Variants in CCDC22 observed in about 807,000 individuals in gnomAD.
CCDC22 encodes CCC complex scaffolding subunit CCDC22.
Under a neutral mutation model 53.1 loss-of-function variants are expected in CCDC22, and 4 were observed. That is an observed-to-expected ratio of 0.08 (90% confidence interval 0.04 to 0.17). CCDC22 has a LOEUF of 0.17. Ranked by LOEUF, CCDC22 falls within the 10% of genes least tolerant of loss-of-function variation. The pLI is 1.00. For synonymous variants in CCDC22, 222 were observed against 224.4 expected, an observed-to-expected ratio of 0.99 and a Z score of 0.10; for missense variants, 458 against 554.0, an observed-to-expected ratio of 0.83 and a Z score of 1.74.
At chrX:49,240,577 A>G (rs868980757) in intron 2 of CCDC22, among the ~76,000 whole-genome samples, 1 of 111,855 alleles carries the variant, frequency 8.9e-6, no homozygotes, top group African/African-American at 3.3e-5. Context: ...AAACAGGTAC[A>G]TATGGTTGTC....
At chrX:49,241,120 A>C (rs933670206) in intron 2 of CCDC22, among the ~76,000 whole-genome samples, 13 of 112,049 alleles carry the variant, frequency 1.2e-4, no homozygotes, top group African/African-American at 4.2e-4. Flanking sequence ...TAAGAGGCAA[A>C]GCTTGGGTTT....
At chrX:49,239,438 C>T (rs1268759291) in intron 2 of CCDC22, 6 of 746,188 alleles carry the variant, frequency 8.0e-6, no homozygotes, top group Admixed American at 8.8e-5. Flanking sequence ...TGGATAGGTC[C>T]GATCTGGAAC....
chrX:49,242,475 G>A (rs183685823), intron 3 of CCDC22: 16 of 206,310 alleles, frequency 7.8e-5, no homozygotes, highest in African/African-American at 3.7e-4. Flanking sequence ...GTACACTCCC[G>A]CCTCTGCACC....
chrX:49,247,523 T>C lies in CCDC22; in HGVS notation c.937T>C (p.Ser313Pro). 1 of 1,199,549 alleles carries C rather than the reference T, an allele frequency of 8.3e-7. No homozygotes were observed. The highest frequency in any genetic ancestry group is 1.1e-6 in the Non-Finnish European group (1 of 889,810). Residue 313 changes from serine (S) to proline (P), a missense_variant, in exon 8 of 17, where the codon TCA (serine) becomes CCA (proline). Physicochemically the swap from Ser to Pro is moderately conservative, Grantham distance 74. This residue lies in a region of CCDC22 where 309 missense variants were observed against 312.3 expected (regional missense o/e 0.99). Coordinates refer to ENST00000376227, the MANE Select transcript of CCDC22 (RefSeq NM_014008.5). ...LEPQAQATQV[S>P]DVPATSRRPE... ...GCCCCAGGCCCAGGCCACTCAGGTGTCAGATGTGCCAGCCACCTCCCGGCG... is the reference window on the plus strand; with the variant it reads ...GCCCCAGGCCCAGGCCACTCAGGTGCCAGATGTGCCAGCCACCTCCCGGCG...
At chrX:49,249,063 C>A in intron 13 of CCDC22, 104 bp from the exon 14 acceptor site, 1 of 1,116,369 alleles carries the variant, frequency 9.0e-7, no homozygotes, top group Non-Finnish European at 1.2e-6. Flanking sequence ...ATCCCAGTCA[C>A]CCCTGACACA....
chrX:49,238,926 C>T (rs1391635643), intron 2 of CCDC22, among the ~76,000 whole-genome samples: 1 of 111,788 alleles, frequency 8.9e-6, no homozygotes, highest in Non-Finnish European at 1.9e-5. Flanking sequence ...GTCCAGGAGT[C>T]CAGTTCCTGT....
In CCDC22 at chrX:49,248,393, C is replaced by T; in HGVS notation, c.1213-14C>T. 8.3e-7 allele frequency: 1 copy of T among 1,207,465 alleles called. No homozygotes were observed. Among genetic ancestry groups the T allele is most frequent in the African/African-American group, 1.7e-5 (1 of 57,610 alleles). On this transcript the variant is annotated splice_polypyrimidine_tract_variant and intron_variant, in intron 10 of 16. Coordinates refer to ENST00000376227, the MANE Select transcript of CCDC22 (RefSeq NM_014008.5). ...AGGGCCCAGCCTGTGTGACATGTAC[C>T]CATCCCCCACCAGCTTGTGGTGGAG...
Position 49,243,162 on chromosome X carries a change from G to T in CCDC22, c.513G>T (p.Val171=). Residue 171 remains valine, a synonymous_variant, in exon 5 of 17, where the codon GTG becomes GTT. Transcript: ENST00000376227. The stretch of plus-strand genomic sequence containing the variant: ...CTTTCCATGCCAGCAGGCTGGTCGT[G>T]CCAGAATTGAGTTCCAGAGGTGGTG... ...QKPFHASRLV[V]PELSSRGEPR... The T allele has an allele frequency of 8.3e-7, 1 of 1,211,742 alleles. No homozygotes were observed. The highest frequency in any genetic ancestry group is 1.7e-5 in the African/African-American group (1 of 57,947).
At chrX:49,243,980 G>C (rs2065976694) in intron 6 of CCDC22, among the ~76,000 whole-genome samples, 1 of 112,248 alleles carries the variant, frequency 8.9e-6, no homozygotes, top group Admixed American at 9.4e-5. Flanking sequence ...GTAGAGACAG[G>C]GTTTTGCCAT....
intron 6 of CCDC22, among the ~76,000 whole-genome samples, chrX:49,244,373 C>T (rs2065978964): frequency 9.1e-6 from 1 of 109,307 alleles, no homozygotes; most frequent in Non-Finnish European, 1.9e-5. Context: ...CTCTCCCCTT[C>T]CTTGCTGTCC....
chrX:49,249,509 G>A lies in CCDC22; in HGVS notation c.1636G>A (p.Asp546Asn), dbSNP rs147222955. The change falls in exon 15 of 17, where the codon GAT becomes AAT. Residue 546 changes from aspartate (D) to asparagine (N), a missense_variant and splice_region_variant. Asp to Asn is a conservative substitution (Grantham distance 23). Transcript: ENST00000376227. ...CTTTGAGGTCCCTGTGTCTGGTCAG[G>A]ATGCCAAGAAGGACGATGCTGTTCG... ...FAVTDELVFK[D>N]AKKDDAVRKA... is the part of the protein sequence containing the mutation. 5.2e-3 allele frequency: 6,230 copies of A among 1,203,580 alleles called. 16 individuals are homozygous for A. Among genetic ancestry groups the A allele is most frequent in the Non-Finnish European group, 6.3e-3 (5,612 of 891,969 alleles).
chrX:49,247,466 A>G (rs2065996067), intron 7 of CCDC22, 30 bp from the exon 8 acceptor site: 1 of 1,170,123 alleles, frequency 8.5e-7, no homozygotes. Context: ...CTTCCCTGGC[A>G]GCCAGGATGC....
Position 49,242,055 on chromosome X carries a change from C to T in CCDC22, c.268C>T (p.Leu90Phe). ...CTTGGAGCTTGGCTATCAGAACTTC[C>T]TCTACCCCAGTGAGCCTGACCTCCG... ...YPLELGYQNFLYPSEPDLRDL... is the reference protein window; with the variant it reads ...YPLELGYQNFFYPSEPDLRDL... Residue 90 changes from leucine to phenylalanine, a missense_variant, in exon 3 of 17, where the codon CTC (leucine) becomes TTC (phenylalanine). Leu to Phe is a conservative substitution (Grantham distance 22, BLOSUM62 0). Around this residue, in one of 4 missense-constraint regions of CCDC22, gnomAD observed 55 missense variants for 106.0 expected, o/e 0.52. Coordinates refer to ENST00000376227, the MANE Select transcript of CCDC22 (RefSeq NM_014008.5). 8.3e-7 allele frequency: 1 copy of T among 1,210,919 alleles called. No homozygotes were observed. Among genetic ancestry groups the T allele is most frequent in the Admixed American group, 2.2e-5 (1 of 45,996 alleles).
At chrX:49,240,972 T>C (rs1164493642) in intron 2 of CCDC22, among the ~76,000 whole-genome samples, 1 of 112,401 alleles carries the variant, frequency 8.9e-6, no homozygotes, top group Non-Finnish European at 1.9e-5. Flanking sequence ...TGCCAGGCCC[T>C]GTGGTAAGTA....
intron 3 of CCDC22, 30 bp downstream of exon 3, chrX:49,242,178 C>T (rs375802619): frequency 8.4e-5 from 101 of 1,202,128 alleles, no homozygotes; most frequent in Non-Finnish European, 9.4e-5. Flanking sequence ...TGGGCGGGGG[C>T]GGTGAGGGGA....
At chrX:49,245,363 TA>T (rs1270530371) in intron 6 of CCDC22, among the ~76,000 whole-genome samples, 1 of 111,946 alleles carries the variant, frequency 8.9e-6, no homozygotes, top group Non-Finnish European at 1.9e-5. Flanking sequence ...TTTACATTTT[TA>T]TTTTTTTATC....
chrX:49,246,469 C>T lies in CCDC22; in HGVS notation c.715-262C>T, dbSNP rs187932136. ...GATTTGGGGGCTCTAGGCCCACCCCCCTCTCTTCCCACATCCTTCTCCAGC... is the reference window on the plus strand; with the variant it reads ...GATTTGGGGGCTCTAGGCCCACCCCTCTCTCTTCCCACATCCTTCTCCAGC... On this transcript the variant is annotated intron_variant, in intron 6 of 16. Coordinates refer to ENST00000376227, the MANE Select transcript of CCDC22 (RefSeq NM_014008.5). Among the ~76,000 whole-genome samples, 141 of 111,995 alleles carry T rather than the reference C, an allele frequency of 1.3e-3. 1 individual carries two copies. The highest frequency in any genetic ancestry group is 4.4e-3 in the African/African-American group (136 of 30,863).
At chrX:49,247,804 G>A in intron 9 of CCDC22, 36 bp downstream of exon 9, 1 of 1,206,791 alleles carries the variant, frequency 8.3e-7, no homozygotes, top group Admixed American at 2.2e-5. Flanking sequence ...GTTGGGCTAG[G>A]TCAGAAGGAG....
chrX:49,237,521 GT>G (rs2065943540), intron 2 of CCDC22, among the ~76,000 whole-genome samples: 1 of 111,691 alleles, frequency 9.0e-6, no homozygotes, highest in Non-Finnish European at 1.9e-5. Flanking sequence ...CTGGGCCCCA[GT>G]TTTCCTATTT....
Sources: gnomAD v4.1 joint callset for allele counts (sites outside exome capture counted in the v4.1 genomes callset) on GRCh38, gnomAD v4.1.1 for gene constraint, gnomAD v4.1.1 regional missense constraint, MANE v1.5 for transcripts, NCBI Gene and HGNC (gene_info 2026-07-23, HGNC 2026-07-21) for gene names.